Variants in POPDC2 observed in about 807,000 individuals in gnomAD.
POPDC2 encodes the protein popeye domain cAMP effector 2.
POPDC2 carries 24 observed loss-of-function variants against 30.5 expected under a neutral mutation model. That is an observed-to-expected ratio of 0.79 (90% CI 0.57 to 1.11). The LOEUF (loss-of-function observed/expected upper bound fraction) is 1.11, where lower values mean the gene tolerates loss of function less well. POPDC2 is among the 50% of genes least tolerant of loss of function. POPDC2 has a pLI of 0.00. For missense variants in POPDC2, 409 were observed against 447.0 expected, an observed-to-expected ratio of 0.91 and a Z score of 0.77; for synonymous variants, 185 against 183.3, an observed-to-expected ratio of 1.01 and a Z score of -0.07.
intron 2 of POPDC2, among the ~76,000 whole-genome samples, chr3:119,649,946 A>C (rs2052790670): frequency 6.6e-6 from 1 of 152,190 alleles, no homozygotes; most frequent in Admixed American, 6.5e-5. Flanking sequence ...AAGTGGTTTC[A>C]TGTTTCAGCT....
intron 3 of POPDC2, among the ~76,000 whole-genome samples, chr3:119,645,708 T>C (rs536507835): frequency 6.6e-6 from 1 of 152,296 alleles, no homozygotes; most frequent in African/African-American, 2.4e-5. Flanking sequence ...CCACAAGGGC[T>C]GAGGAGAGTC....
intron 2 of POPDC2, among the ~76,000 whole-genome samples, chr3:119,648,968 G>T (rs757281637): frequency 1.3e-5 from 2 of 152,168 alleles, no homozygotes; most frequent in Non-Finnish European, 2.9e-5. Context: ...TGGTTCCGTG[G>T]CTAATGCCAC....
chr3:119,655,163 A>G (rs2052865522), intron 1 of POPDC2, among the ~76,000 whole-genome samples: 1 of 151,998 alleles, frequency 6.6e-6, no homozygotes, highest in African/African-American at 2.4e-5. Flanking sequence ...CCCCATCTCT[A>G]CTAAAAATAC....
intron 3 of POPDC2, 140 bp from the exon 4 acceptor site, chr3:119,642,701 G>C (rs1267648622): frequency 1.7e-6 from 1 of 589,042 alleles, no homozygotes; most frequent in Non-Finnish European, 3.0e-6. Flanking sequence ...ACATGATAGG[G>C]GCAGGTGTAC....
At chr3:119,649,133 A>G (rs931166486) in intron 2 of POPDC2, among the ~76,000 whole-genome samples, 1 of 152,162 alleles carries the variant, frequency 6.6e-6, no homozygotes, top group Admixed American at 6.5e-5. Flanking sequence ...AGAGTTGGAA[A>G]GTTGAGTTTG....
Position 119,660,469 on chromosome 3 carries a change from C to T in POPDC2, c.-46G>A. The T allele has an allele frequency of 1.3e-6, 2 of 1,553,004 alleles. No individual in the cohort carries two copies. Among genetic ancestry groups the T allele is most frequent in the Non-Finnish European group, 1.7e-6 (2 of 1,148,946 alleles). On this transcript the variant is annotated 5_prime_UTR_variant, in exon 1 of 4. It adds an upstream start codon to the 5' untranslated region. Transcript: ENST00000493094. ...TCACTGGGCTCTAATACTGTCCTCA[C>T]ATAGGAAATTCAGAAAATGAATGAA...
rs1448494614 is a variant in POPDC2, at chr3:119,642,681, TCA to T, written c.*44-122_*44-121del. ...CCAATTCCCAATGTTTTAACTGTAC[TCA>T]CTGCCTGACATGATAGGGGCAGGTG... On this transcript the variant is annotated intron_variant, in intron 3 of 3. Coordinates refer to ENST00000493094, the MANE Select transcript of POPDC2 (RefSeq NM_001369919.2). 6 of 637,824 alleles carry T rather than the reference TCA, an allele frequency of 9.4e-6. No homozygotes were observed. The East Asian group carries it at 1.4e-4, about 15-fold the overall frequency. 39.5% of individuals were successfully genotyped at this position (637,824 alleles called of 1,614,324 possible).
intron 2 of POPDC2, among the ~76,000 whole-genome samples, chr3:119,653,568 C>T (rs994856374): frequency 7.2e-5 from 11 of 151,954 alleles, no homozygotes; most frequent in African/African-American, 2.7e-4. Flanking sequence ...AGCTCCGCCT[C>T]CCGGGTTCAC....
chr3:119,643,283 G>A (rs955730670), intron 3 of POPDC2: 17 of 845,628 alleles, frequency 2.0e-5, no homozygotes, highest in Non-Finnish European at 3.1e-5. Flanking sequence ...ACAGATGAAG[G>A]AGAGCAGGCT....
chr3:119,656,827 C>CTTATGAACTTG (rs2052884963), intron 1 of POPDC2, among the ~76,000 whole-genome samples: 1 of 152,212 alleles, frequency 6.6e-6, no homozygotes, highest in South Asian at 2.1e-4. Context: ...GGGAGATATC[C>CTTATGAACTTG]TTCCATTATT....
At chr3:119,646,236 G>T (rs1181541362) in intron 3 of POPDC2, among the ~76,000 whole-genome samples, 3 of 152,210 alleles carry the variant, frequency 2.0e-5, no homozygotes, top group African/African-American at 7.2e-5. Flanking sequence ...AAAAAAGGAG[G>T]TAATAGGAGA....
intron 3 of POPDC2, chr3:119,643,228 G>A: frequency 1.6e-6 from 1 of 623,230 alleles, no homozygotes; most frequent in Non-Finnish European, 2.8e-6. Context: ...TGCTTCTGAG[G>A]GGAAGAGCAT....
intron 2 of POPDC2, among the ~76,000 whole-genome samples, chr3:119,653,585 C>A (rs1318671168): frequency 6.6e-6 from 1 of 151,920 alleles, no homozygotes; most frequent in Non-Finnish European, 1.5e-5. Flanking sequence ...TCACGCCATT[C>A]TCCTGCCTCA....
intron 2 of POPDC2, among the ~76,000 whole-genome samples, chr3:119,649,297 G>A (rs1044088701): frequency 7.2e-5 from 11 of 152,002 alleles, no homozygotes; most frequent in Admixed American, 3.9e-4. Flanking sequence ...AGGGCATAGC[G>A]GAAGACAAAC....
intron 2 of POPDC2, among the ~76,000 whole-genome samples, chr3:119,654,289 G>A (rs189870799): frequency 8.1e-4 from 123 of 152,316 alleles, no homozygotes; most frequent in Admixed American, 1.2e-3. Flanking sequence ...AAGCATACAA[G>A]TAACATGGTC....
intron 2 of POPDC2, among the ~76,000 whole-genome samples, chr3:119,651,589 C>A (rs910861164): frequency 3.3e-5 from 5 of 152,128 alleles, no homozygotes; most frequent in Admixed American, 6.5e-5. Context: ...CAAGGGAAGA[C>A]AGCCAATCTT....
At chr3:119,658,046 G>C (rs745417219) in intron 1 of POPDC2, among the ~76,000 whole-genome samples, 19 of 152,316 alleles carry the variant, frequency 1.2e-4, no homozygotes, top group Non-Finnish European at 1.9e-4. Context: ...AAGGACTCTA[G>C]AGAACAGTGT....
chr3:119,660,501 C>A lies in POPDC2; in HGVS notation c.-78G>T. 1.4e-6 allele frequency: 2 copies of A among 1,480,648 alleles called. No homozygotes were observed. Among genetic ancestry groups the A allele is most frequent in the East Asian group, 2.3e-5 (1 of 42,648 alleles). The allele number at this position is 1,480,648 out of a possible 1,614,324, so 91.7% of individuals were successfully genotyped here. Reference sequence around the variant, plus strand: ...AATTCAGAAAATGAATGAATCCATCCGCTCAGGGGTCTTCTCACCTCCGGC... The same window carrying A: ...AATTCAGAAAATGAATGAATCCATCAGCTCAGGGGTCTTCTCACCTCCGGC... On this transcript the variant is annotated 5_prime_UTR_variant, in exon 1 of 4. Coordinates refer to ENST00000493094, the MANE Select transcript of POPDC2 (RefSeq NM_001369919.2).
At chr3:119,655,864 C>A (rs1051050172) in intron 1 of POPDC2, among the ~76,000 whole-genome samples, 5 of 152,162 alleles carry the variant, frequency 3.3e-5, no homozygotes, top group Non-Finnish European at 7.4e-5. Context: ...ACTCTCCTAG[C>A]ATGACCCTTT....
Sources: allele counts gnomAD v4.1 joint callset (sites outside exome capture counted in the v4.1 genomes callset), GRCh38; gene constraint gnomAD v4.1.1; transcripts MANE v1.5; gene names NCBI Gene and HGNC (gene_info 2026-07-23, HGNC 2026-07-21).